The following RBFOX2 variants were observed in gnomAD, a reference collection of about 807,000 sequenced individuals.
The protein encoded by RBFOX2 is RNA binding fox-1 homolog 2, also known as RNA binding protein fox-1 homolog 2.
Under a neutral mutation model 49.1 loss-of-function variants are expected in RBFOX2, and 10 were observed. The ratio of observed to expected loss-of-function variants is 0.20; its 90% confidence interval spans 0.13 to 0.35. RBFOX2 has a LOEUF of 0.35. Among genes scored for constraint, RBFOX2 ranks in the 10% least tolerant of loss-of-function variants. The probability of loss-of-function intolerance (pLI) is 1.00; values close to 1 mark genes in which losing one functional copy is unlikely to be tolerated. For missense variants in RBFOX2, 323 were observed against 486.9 expected (o/e 0.66, Z 3.17); for synonymous variants, 183 against 187.4 (o/e 0.98, Z 0.19).
At chr22:35,851,656 G>A (rs547775120) in intron 1 of RBFOX2, among the ~76,000 whole-genome samples, 10 of 151,786 alleles carry the variant, frequency 6.6e-5, no homozygotes, top group Admixed American at 6.6e-4. Flanking sequence ...GCAAAACCCT[G>A]TCTCTATTAA....
At chr22:35,848,574 C>G (rs2041508456) in intron 1 of RBFOX2, among the ~76,000 whole-genome samples, 1 of 152,076 alleles carries the variant, frequency 6.6e-6, no homozygotes, top group Non-Finnish European at 1.5e-5. Context: ...GGCCTTTAGG[C>G]CCAAAATACC....
At chr22:35,845,067 TC>T (rs2041006198), upstream of RBFOX2, among the ~76,000 whole-genome samples, 1 of 152,034 alleles carries the variant, frequency 6.6e-6, no homozygotes, top group South Asian at 2.1e-4. Context: ...CAGGGCTTGC[TC>T]CAACTTTCCC....
chr22:35,807,107 T>C (rs1950896697), intron 2 of RBFOX2, among the ~76,000 whole-genome samples: 1 of 152,194 alleles, frequency 6.6e-6, no homozygotes, highest in Non-Finnish European at 1.5e-5. Flanking sequence ...CCTGGCCCTT[T>C]CTTTTTTAAA....
At chr22:35,765,349 A>C in intron 6 of RBFOX2, 74 bp downstream of exon 7, 1 of 1,076,606 alleles carries the variant, frequency 9.3e-7, no homozygotes, top group South Asian at 1.5e-5. Context: ...AAATAAAGAC[A>C]TTCTTAGAAG....
At chr22:35,943,844 G>A (rs2053962534), upstream of RBFOX2, among the ~76,000 whole-genome samples, 1 of 152,230 alleles carries the variant, frequency 6.6e-6, no homozygotes, top group Admixed American at 6.5e-5. Flanking sequence ...GGCAGAGCTT[G>A]CAGTGAGCCG....
At chr22:35,850,193 T>TACATACAC (rs2041763268) in intron 1 of RBFOX2, among the ~76,000 whole-genome samples, 1 of 132,520 alleles carries the variant, frequency 7.5e-6, no homozygotes, top group African/African-American at 2.9e-5. Flanking sequence ...CTCTCTCTCA[T>TACATACAC]ACACACACAC....
intron 1 of RBFOX2, among the ~76,000 whole-genome samples, chr22:35,988,743 C>T (rs958642503): frequency 1.3e-4 from 20 of 152,088 alleles, no homozygotes; most frequent in Admixed American, 1.2e-3. Context: ...AGAAGGATCA[C>T]TCTGAAAAAA....
chr22:35,943,860 G>A (rs755994916), upstream of RBFOX2, among the ~76,000 whole-genome samples: 4 of 152,298 alleles, frequency 2.6e-5, no homozygotes, highest in South Asian at 2.1e-4. Flanking sequence ...AGCCGAGATC[G>A]CGCCACTGCA....
At chr22:35,849,786 T>C (rs2041694523) in intron 1 of RBFOX2, among the ~76,000 whole-genome samples, 1 of 152,186 alleles carries the variant, frequency 6.6e-6, no homozygotes, top group Non-Finnish European at 1.5e-5. Flanking sequence ...AAGTCGGAGC[T>C]TGGTTGAGAC....
chr22:35,954,842 A>G (rs569167481), intron 1 of RBFOX2, among the ~76,000 whole-genome samples: 5 of 152,330 alleles, frequency 3.3e-5, no homozygotes, highest in African/African-American at 1.2e-4. Context: ...ATAAAATGTA[A>G]ATGTATGGCC....
chr22:35,747,568 A>G (rs575115902), intron 9 of RBFOX2: 17 of 152,374 alleles, frequency 1.1e-4, no homozygotes, highest in African/African-American at 4.1e-4. Context: ...GCATTTCAAG[A>G]GACAATCACA....
rs150257015 is a variant in RBFOX2, at chr22:35,896,329, G to A, written c.-34+42518C>T. Among the ~76,000 whole-genome samples the A allele has an allele frequency of 1.5e-4, 23 of 152,098 alleles. No homozygotes were observed. The East Asian group carries it at 2.9e-3, about 19-fold the overall frequency. ...GTAGGTGCACAAAACATTCTCAAAC[G>A]GTAACAGGTTTTGAGGAATATTCCA... On this transcript the variant is annotated intron_variant, in intron 1 of 13. Coordinates refer to the RBFOX2 transcript ENST00000359369.
upstream of RBFOX2, among the ~76,000 whole-genome samples, chr22:35,843,186 C>G (rs933006724): frequency 6.6e-6 from 1 of 152,070 alleles, no homozygotes; most frequent in Admixed American, 6.6e-5. Flanking sequence ...GCTGAATGTG[C>G]CCGGTAATGT....
chr22:35,768,385 A>G (rs979197133), intron 4 of RBFOX2, 36 bp from the exon 6 acceptor site: 8 of 1,538,420 alleles, frequency 5.2e-6, no homozygotes, highest in East Asian at 2.2e-5. Context: ...AAACATGCAC[A>G]TCGTTATATT....
chr22:35,746,125 G>A (rs1351237123), intron 10 of RBFOX2, 130 bp from the exon 13 acceptor site: 23 of 814,032 alleles, frequency 2.8e-5, no homozygotes, highest in East Asian at 7.6e-5. Flanking sequence ...GGAATTACAA[G>A]GAATAGGAAA....
intron 1 of RBFOX2, among the ~76,000 whole-genome samples, chr22:35,816,660 T>C (rs1953129251): frequency 2.0e-5 from 3 of 152,188 alleles, no homozygotes; most frequent in Admixed American, 2.0e-4. Flanking sequence ...GTCTGGAACT[T>C]ACTGAATGGC....
intron 1 of RBFOX2, among the ~76,000 whole-genome samples, chr22:36,027,134 CA>C (rs952447152): frequency 4.2e-4 from 63 of 151,722 alleles, no homozygotes; most frequent in African/African-American, 1.3e-3. Flanking sequence ...GAATCTCCTC[CA>C]AAAAAAACAA....
At chr22:36,018,395 T>C (rs899243294) in intron 1 of RBFOX2, among the ~76,000 whole-genome samples, 1 of 152,064 alleles carries the variant, frequency 6.6e-6, no homozygotes, top group African/African-American at 2.4e-5. Flanking sequence ...GCAGGAACTT[T>C]GGGTAGAAGG....
intron 1 of RBFOX2, chr22:35,994,585 T>C (rs990168412): frequency 7.2e-5 from 11 of 152,024 alleles, no homozygotes; most frequent in African/African-American, 2.7e-4. Flanking sequence ...TTTTAATTTT[T>C]TGTAGAAATG....
Sources: allele counts gnomAD v4.1 joint callset (sites outside exome capture counted in the v4.1 genomes callset), GRCh38; gene constraint gnomAD v4.1.1; transcripts MANE v1.5; gene names NCBI Gene and HGNC (gene_info 2026-07-23, HGNC 2026-07-21).